Variants in SPEG observed in about 807,000 individuals in gnomAD.
SPEG encodes the protein striated muscle enriched protein kinase.
SPEG carries 114 observed loss-of-function variants against 300.4 expected under a neutral mutation model. The observed-to-expected ratio is 0.38, with a 90% CI of 0.33 to 0.44. The LOEUF (loss-of-function observed/expected upper bound fraction) is 0.44, where lower values mean the gene tolerates loss of function less well. SPEG is among the 20% of genes least tolerant of loss of function. The pLI, the probability that SPEG is intolerant of heterozygous loss-of-function variation, is 1.00. For missense variants in SPEG, 4,201 were observed against 4,586.2 expected (o/e 0.92, Z 2.43); for synonymous variants, 1,964 against 2,018.9 (o/e 0.97, Z 0.73).
chr2:219,480,063 C>T lies in SPEG; in HGVS notation c.5265C>T (p.Tyr1755=), dbSNP rs1287955233. The change falls in exon 25 of 41, where the codon TAC becomes TAT. Residue 1755 remains tyrosine (Y), a synonymous_variant. Transcript: ENST00000312358. The surrounding 1 kb of genome is among the most constrained non-coding windows in gnomAD (Gnocchi z 5.3). The part of the protein sequence containing the change: ...AQELTPGEPQ[Y]CQYGTPEFVA... ...AGCTGACTCCAGGAGAGCCCCAGTA[C>T]TGCCAGTATGGCACACCTGAGTTTG... 6.2e-7 allele frequency: 1 copy of T among 1,614,102 alleles called. No individual in the cohort carries two copies. Among genetic ancestry groups the T allele is most frequent in the Non-Finnish European group, 8.5e-7 (1 of 1,180,030 alleles).
chr2:219,492,746 G>T lies in SPEG; in HGVS notation c.9764G>T (p.Arg3255Leu). Residue 3255 changes from arginine to leucine, a missense_variant, in exon 41 of 41, where the codon CGC becomes CTC. Physicochemically the swap from Arg to Leu is moderately radical, Grantham distance 102. Transcript: ENST00000312358. ...QRRRRAEAAT[R>L]HKVLLRSYPG... Reference sequence around the variant, plus strand: ...CGGCGCCGGGCTGAGGCTGCCACCCGCCACAAGGTGCTGCTGCGCTCCTAC... The same window carrying T: ...CGGCGCCGGGCTGAGGCTGCCACCCTCCACAAGGTGCTGCTGCGCTCCTAC... 3 of 1,599,880 alleles carry T rather than the reference G, an allele frequency of 1.9e-6. No homozygotes were observed. The highest frequency in any genetic ancestry group is 8.5e-7 in the Non-Finnish European group (1 of 1,178,096).
chr2:219,462,279 T>C lies in SPEG; in HGVS notation c.2617-19T>C, dbSNP rs1257594959. On this transcript the variant is annotated intron_variant, in intron 7 of 40. Transcript: ENST00000312358. ...GCTCTGCCCTGTCTTCCCCTGACAC[T>C]TTGGGGTACCCCCTTCAGGTCTCAC... 1.3e-6 allele frequency: 2 copies of C among 1,553,162 alleles called. No homozygotes were observed. Among genetic ancestry groups the C allele is most frequent in the Non-Finnish European group, 8.7e-7 (1 of 1,146,770 alleles).
rs920547957 is a variant in SPEG at position 219,448,530 on chromosome 2, C to T, written c.1372C>T (p.Arg458Trp). The change falls in exon 4 of 41, where the codon CGG (arginine) becomes TGG (tryptophan). Residue 458 changes from arginine (R) to tryptophan (W), a missense_variant. Arg to Trp is a moderately radical substitution (Grantham distance 101). Coordinates refer to ENST00000312358, the MANE Select transcript of SPEG (RefSeq NM_005876.5). ...CCCCGGGGCCTCGCAGGAAGAACTG[C>T]GGGCGCCAGGCAGCGTGGCCGAGCG... ...GTPGASQEELRAPGSVAERRR... is the reference protein window; with the variant it reads ...GTPGASQEELWAPGSVAERRR... 7.4e-5 allele frequency: 107 copies of T among 1,443,130 alleles called. No individual in the cohort carries two copies. Among genetic ancestry groups the T allele is most frequent in the Non-Finnish European group, 9.5e-5 (105 of 1,108,038 alleles). 89.4% of individuals were successfully genotyped at this position (1,443,130 alleles called of 1,614,324 possible). A position where few individuals can be genotyped will look rare whatever the true frequency, so the allele number is the denominator to read the frequency against.
At position 219,479,326 on chromosome 2, in the gene SPEG, G is replaced by A. The variant is rs1198525033; in HGVS notation, c.5085+125G>A. 2.6e-6 allele frequency: 2 copies of A among 756,924 alleles called. No homozygotes were observed. Among genetic ancestry groups the A allele is most frequent in the African/African-American group, 1.7e-5 (1 of 58,528 alleles). 46.9% of individuals were successfully genotyped at this position (756,924 alleles called of 1,614,324 possible). ...ACAGGAAGCCAGGGGTGGAGGTGGAGAGCACTGTTAGGTAGGCAGCAGAGT... is the reference window on the plus strand; with the variant it reads ...ACAGGAAGCCAGGGGTGGAGGTGGAAAGCACTGTTAGGTAGGCAGCAGAGT... On this transcript the variant is annotated intron_variant, in intron 23 of 40. Transcript: ENST00000312358. This position sits in a 1 kb window ranked among gnomAD's most constrained non-coding sequence, Gnocchi z 5.5.
rs772628892 is a variant in SPEG at position 219,448,319 on chromosome 2, G to C, written c.1161G>C (p.Leu387Phe). 3 of 1,605,506 alleles carry C rather than the reference G, an allele frequency of 1.9e-6. No individual in the cohort carries two copies. Among genetic ancestry groups the C allele is most frequent in the Non-Finnish European group, 2.5e-6 (3 of 1,177,044 alleles). The change falls in exon 4 of 41, where the codon TTG becomes TTC. Residue 387 changes from leucine (L) to phenylalanine (F), a missense_variant. Leu to Phe is a conservative substitution (Grantham distance 22, BLOSUM62 0). Transcript: ENST00000312358. ...AGGCCTCAGGCCGCCTGTCGGCGTTGGGCCGATCGCCTAGGCTGGTGCGCG... is the reference window on the plus strand; with the variant it reads ...AGGCCTCAGGCCGCCTGTCGGCGTTCGGCCGATCGCCTAGGCTGGTGCGCG... ...LSEASGRLSA[L>F]GRSPRLVRAG...
In SPEG at chr2:219,488,285, T is replaced by G; in HGVS notation, c.7833T>G (p.Pro2611=). ...TGCTCTGCCTGCCAGCGGCCTGCCCTGCACCGCACATCTCCTGGATGAAAG... is the reference window on the plus strand; with the variant it reads ...TGCTCTGCCTGCCAGCGGCCTGCCCGGCACCGCACATCTCCTGGATGAAAG... ...ATLLCLPAAC[P]APHISWMKDK... The change falls in exon 32 of 41, where the codon CCT becomes CCG. Residue 2611 remains proline (P), a synonymous_variant. Transcript: ENST00000312358. 9.9e-6 allele frequency: 16 copies of G among 1,612,584 alleles called. No individual in the cohort carries two copies. The highest frequency in any genetic ancestry group is 1.4e-5 in the Non-Finnish European group (16 of 1,179,336).
chr2:219,451,320 A>AT lies in SPEG; in HGVS notation c.2257+41_2257+42insT. 6.4e-7 allele frequency: 1 copy of AT among 1,564,918 alleles called. No homozygotes were observed. Among genetic ancestry groups the AT allele is most frequent in the African/African-American group, 1.4e-5 (1 of 73,200 alleles). On this transcript the variant is annotated intron_variant, in intron 5 of 40. Transcript: ENST00000312358. This position sits in a 1 kb window ranked among gnomAD's most constrained non-coding sequence, Gnocchi z 6.4. The stretch of plus-strand genomic sequence containing the variant: ...GGGCCAAGGTGCGGTCGAGGTTGGG[A>AT]GGGGGTGTGTGAGAAGGGAAGGGGA...
intron 12 of SPEG, 24 bp from the exon 13 acceptor site, chr2:219,469,132 G>T: frequency 6.2e-7 from 1 of 1,613,048 alleles, no homozygotes; most frequent in Non-Finnish European, 8.5e-7. Flanking sequence ...CCCTGGGCCT[G>T]TGGGCAGCTG....
Position 219,488,294 on chromosome 2 carries a change from C to T in SPEG, c.7842C>T (p.His2614=), listed in dbSNP as rs1340862261. The T allele has an allele frequency of 3.7e-6, 6 of 1,610,810 alleles. No individual in the cohort carries two copies. Among genetic ancestry groups the T allele is most frequent in the African/African-American group, 1.3e-5 (1 of 74,958 alleles). ...LCLPAACPAP[H]ISWMKDKKSL... ...TGCCAGCGGCCTGCCCTGCACCGCA[C>T]ATCTCCTGGATGAAAGGTAAGGAGA... Residue 2614 remains histidine (H), a synonymous_variant, in exon 32 of 41, where the codon CAC becomes CAT. Transcript: ENST00000312358.
At chr2:219,478,239 T>G (rs887033080) in intron 22 of SPEG, 134 bp downstream of exon 22, 1 of 759,542 alleles carries the variant, frequency 1.3e-6, no homozygotes. Context: ...ATCTGGAGAC[T>G]TCTATGAAAA....
intron 6 of SPEG, among the ~76,000 whole-genome samples, chr2:219,460,067 G>T (rs1021481478): frequency 2.0e-5 from 3 of 152,250 alleles, no homozygotes; most frequent in Non-Finnish European, 2.9e-5. Flanking sequence ...GCCATTTGGG[G>T]GAGGCAGCCC....
intron 1 of SPEG, 125 bp downstream of exon 1, chr2:219,435,490 C>T: frequency 1.8e-6 from 2 of 1,115,738 alleles, no homozygotes; most frequent in South Asian, 3.6e-5. Context: ...GGTGCCCTGG[C>T]TTCTCGGCTG....
chr2:219,467,336 G>T lies in SPEG; in HGVS notation c.3044G>T (p.Cys1015Phe). ...CTGCTGCAGCCTGCACTGCTCAAATGCAAGATGCATTTCGATGGCCGCAAA... is the reference window on the plus strand; with the variant it reads ...CTGCTGCAGCCTGCACTGCTCAAATTCAAGATGCATTTCGATGGCCGCAAA... ...GRLLQPALLK[C>F]KMHFDGRKCK... Residue 1015 changes from cysteine to phenylalanine, a missense_variant, in exon 10 of 41, where the codon TGC (cysteine) becomes TTC (phenylalanine). By Grantham distance (205) the Cys-to-Phe change is radical. Around this residue, in one of 4 missense-constraint regions of SPEG, gnomAD observed 1,047 missense variants for 1,356.8 expected, o/e 0.77. Transcript: ENST00000312358. 1 of 1,612,192 alleles carries T rather than the reference G, an allele frequency of 6.2e-7. No homozygotes were observed.
At chr2:219,472,487 G>T (rs925934055) in intron 15 of SPEG, among the ~76,000 whole-genome samples, 156 bp downstream of exon 15, 2 of 152,172 alleles carry the variant, frequency 1.3e-5, no homozygotes, top group Non-Finnish European at 2.9e-5. Flanking sequence ...TTCTCTCCAC[G>T]TTGCATGGGG....
Position 219,484,894 on chromosome 2 carries a change from G to C in SPEG, c.7431G>C (p.Ser2477=), listed in dbSNP as rs1693239371. The C allele has an allele frequency of 6.6e-7, 1 of 1,525,494 alleles. No homozygotes were observed. Among genetic ancestry groups the C allele is most frequent in the Non-Finnish European group, 8.7e-7 (1 of 1,143,632 alleles). 94.5% of individuals were successfully genotyped at this position (1,525,494 alleles called of 1,614,324 possible). A position where few individuals can be genotyped will look rare whatever the true frequency, so the allele number is the denominator to read the frequency against. ...RLQRSGSSED[S]GGASGRSTPL... ...AGCGCAGTGGCAGCAGCGAGGACTCGGGGGGCGCGTCGGGCCGCAGCACGC... is the reference window on the plus strand; with the variant it reads ...AGCGCAGTGGCAGCAGCGAGGACTCCGGGGGCGCGTCGGGCCGCAGCACGC... Residue 2477 remains serine, a synonymous_variant, in exon 30 of 41, where the codon TCG becomes TCC. Coordinates refer to ENST00000312358, the MANE Select transcript of SPEG (RefSeq NM_005876.5).
In SPEG at chr2:219,474,345, G is replaced by A. The variant is rs571521586; in HGVS notation, c.4447+442G>A. 1.6e-3 allele frequency: 240 copies of A among 149,472 alleles called. 9 individuals are homozygous for A. In the South Asian group the frequency reaches 0.048, roughly 30 times the overall value. 9.3% of individuals were successfully genotyped at this position (149,472 alleles called of 1,614,324 possible). The stretch of plus-strand genomic sequence containing the variant: ...GTGAGCCGAGATTGCTCCATTGCAC[G>A]CTAGCCTGGGCAACAAGAGCAAAAC... On this transcript the variant is annotated intron_variant, in intron 18 of 40. Transcript: ENST00000312358.
chr2:219,485,232 G>T (rs572354080), intron 30 of SPEG, 114 bp from the exon 31 acceptor site: 2 of 1,495,394 alleles, frequency 1.3e-6, no homozygotes, highest in East Asian at 4.7e-5. Flanking sequence ...CAGGAATGGC[G>T]GCAGGGCTGG....
intron 13 of SPEG, 95 bp from the exon 14 acceptor site, chr2:219,471,773 G>C: frequency 6.6e-7 from 1 of 1,506,682 alleles, no homozygotes; most frequent in Non-Finnish European, 9.0e-7. Flanking sequence ...CCCTGCAGTG[G>C]ATGGGGGTGA....
At position 219,483,591 on chromosome 2, in the gene SPEG, G is replaced by C; in HGVS notation, c.6128G>C (p.Arg2043Pro). 6.8e-7 allele frequency: 1 copy of C among 1,479,280 alleles called. No homozygotes were observed. The highest frequency in any genetic ancestry group is 8.9e-7 in the Non-Finnish European group (1 of 1,125,594). 91.6% of individuals were successfully genotyped at this position (1,479,280 alleles called of 1,614,324 possible). The change falls in exon 30 of 41, where the codon CGC (arginine) becomes CCC (proline). Residue 2043 changes from arginine (R) to proline (P), a missense_variant. Physicochemically the swap from Arg to Pro is moderately radical, Grantham distance 103. Coordinates refer to ENST00000312358, the MANE Select transcript of SPEG (RefSeq NM_005876.5). ...GCGGCGTCTGTGGAGCTGCCGCAGC[G>C]CCGGAGCCCCAGCCCGGGAGCCACC... ...HKAASVELPQ[R>P]RSPSPGATRL...
Sources: allele counts gnomAD v4.1 joint callset (sites outside exome capture counted in the v4.1 genomes callset), GRCh38; gene constraint gnomAD v4.1.1; regional missense constraint gnomAD v4.1.1; non-coding constraint Gnocchi (gnomAD v3.1); transcripts MANE v1.5; gene names NCBI Gene and HGNC (gene_info 2026-07-23, HGNC 2026-07-21).